LEMD3: variants seen among roughly 807,000 people sequenced by gnomAD.
The protein encoded by LEMD3 is LEM domain containing 3.
LEMD3 carries 33 observed loss-of-function variants against 95.2 expected under a neutral mutation model. The observed-to-expected ratio is 0.35, with a 90% CI of 0.26 to 0.46. LEMD3 has a LOEUF of 0.46. LEMD3 is among the 20% of genes least tolerant of loss of function. The probability of loss-of-function intolerance (pLI) is 1.00; values close to 1 mark genes in which losing one functional copy is unlikely to be tolerated. For synonymous variants in LEMD3, 525 were observed against 474.6 expected (o/e 1.11, Z -1.38); for missense variants, 1,210 against 1,192.8 (o/e 1.01, Z -0.21).
intron 6 of LEMD3, among the ~76,000 whole-genome samples, chr12:65,239,410 T>C (rs893544814): frequency 3.9e-5 from 6 of 151,984 alleles, no homozygotes; most frequent in South Asian, 2.1e-4. Context: ...TAGACAGGCA[T>C]AGTGGCACGT....
At position 65,246,315 on chromosome 12, in the gene LEMD3, G is replaced by GTT; in HGVS notation, c.2726_2727insTT (p.Ser910Ter). On this transcript the variant is annotated frameshift_variant, in exon 13 of 13. Transcript: ENST00000308330. LOFTEE classifies it high-confidence loss of function. ...CGGACTGGCCTAACCAATTCTCAAG[G>GTT]AAGTTCCTGAAAAGATTTTCTTCCA... is the stretch of plus-strand genomic sequence containing the variant. 6.2e-7 allele frequency: 1 copy of GTT among 1,612,324 alleles called. No homozygotes were observed. Among genetic ancestry groups the GTT allele is most frequent in the Non-Finnish European group, 8.5e-7 (1 of 1,178,796 alleles).
At chr12:65,215,161 A>G (rs1870063957) in intron 2 of LEMD3, among the ~76,000 whole-genome samples, 1 of 152,200 alleles carries the variant, frequency 6.6e-6, no homozygotes, top group South Asian at 2.1e-4. Context: ...GCTACTGGTT[A>G]TGTAAGAAAT....
At chr12:65,238,349 CTTTT>C in intron 4 of LEMD3, among the ~76,000 whole-genome samples, 149 bp from the exon 5 acceptor site, 1 of 151,168 alleles carries the variant, frequency 6.6e-6, no homozygotes, top group East Asian at 1.9e-4. Context: ...CTTTTTTTTT[CTTTT>C]TTCTCATTCT....
At chr12:65,216,391 G>A (rs561339515) in intron 3 of LEMD3, among the ~76,000 whole-genome samples, 13 of 152,030 alleles carry the variant, frequency 8.6e-5, no homozygotes, top group Non-Finnish European at 4.4e-5. Context: ...ATATACAAAT[G>A]CAGATTTTCT....
chr12:65,203,883 G>C (rs980630021), intron 1 of LEMD3, among the ~76,000 whole-genome samples: 1 of 152,048 alleles, frequency 6.6e-6, no homozygotes, highest in African/African-American at 2.4e-5. Context: ...ATTATGTAAT[G>C]CTCCTCTTTG....
At chr12:65,222,065 C>T (rs1231226293) in intron 4 of LEMD3, among the ~76,000 whole-genome samples, 1 of 151,974 alleles carries the variant, frequency 6.6e-6, no homozygotes, top group Admixed American at 6.6e-5. Context: ...CAGTTTGTCA[C>T]CATTGAGTAT....
rs1380930067 is a variant in LEMD3 at position 65,169,620 on chromosome 12, G to A, written c.24G>A (p.Ala8=). 18 of 1,588,586 alleles carry A rather than the reference G, an allele frequency of 1.1e-5. No individual in the cohort carries two copies. Among genetic ancestry groups the A allele is most frequent in the African/African-American group, 1.3e-5 (1 of 74,766 alleles). ...AAATGGCGGCGGCAGCAGCTTCGGC[G>A]CCTCAGCAGCTCTCGGATGAGGAGC... The part of the protein sequence containing the change: MAAAAAS[A]PQQLSDEELF... The change falls in exon 1 of 13, where the codon GCG becomes GCA. Residue 8 remains alanine (A), a synonymous_variant. Coordinates refer to ENST00000308330, the MANE Select transcript of LEMD3 (RefSeq NM_014319.5).
Position 65,241,057 on chromosome 12 carries a change from G to A in LEMD3, c.2275G>A (p.Val759Ile), listed in dbSNP as rs1206695327. 1 of 1,613,830 alleles carries A rather than the reference G, an allele frequency of 6.2e-7. No individual in the cohort carries two copies. The highest frequency in any genetic ancestry group is 8.5e-7 in the Non-Finnish European group (1 of 1,179,884). The change falls in exon 9 of 13, where the codon GTT becomes ATT. Residue 759 changes from valine to isoleucine, a missense_variant. By Grantham distance (29) the Val-to-Ile change is conservative. Coordinates refer to ENST00000308330, the MANE Select transcript of LEMD3 (RefSeq NM_014319.5). ...QPSASCDKIL[V>I]IPSKVWQGQA... Reference sequence around the variant, plus strand: ...TTCTGCATCCTGTGACAAAATATTAGTTATACCTTCTAAAGTATGGCAAGG... The same window carrying A: ...TTCTGCATCCTGTGACAAAATATTAATTATACCTTCTAAAGTATGGCAAGG...
rs533361217 is a variant in LEMD3 at position 65,182,941 on chromosome 12, A to G, written c.1522+11823A>G. ...GTTATTATCAAAGTGGGAAGATGAC[A>G]TGTGTCCCCATGAATAGGCAATAGG... On this transcript the variant is annotated intron_variant, in intron 1 of 12. Transcript: ENST00000308330. Among the ~76,000 whole-genome samples the G allele has an allele frequency of 7.2e-5, 11 of 152,284 alleles. No individual in the cohort carries two copies. In the South Asian group the frequency reaches 1.9e-3, roughly 26 times the overall value.
intron 1 of LEMD3, among the ~76,000 whole-genome samples, chr12:65,190,008 A>G (rs1245420753): frequency 1.3e-5 from 2 of 152,114 alleles, no homozygotes; most frequent in Non-Finnish European, 2.9e-5. Flanking sequence ...GCCTCGTACC[A>G]CACTAGTTTT....
intron 1 of LEMD3, among the ~76,000 whole-genome samples, chr12:65,197,627 G>T (rs1231560554): frequency 1.3e-5 from 2 of 152,026 alleles, no homozygotes; most frequent in Non-Finnish European, 2.9e-5. Flanking sequence ...TTTCATCTGT[G>T]TCTGTTTTCT....
chr12:65,172,766 G>A (rs1868596046), intron 1 of LEMD3, among the ~76,000 whole-genome samples: 1 of 145,644 alleles, frequency 6.9e-6, no homozygotes, highest in East Asian at 2.0e-4. Flanking sequence ...TAGCTCTGTC[G>A]CTAGGCTGGA....
chr12:65,195,781 A>T (rs1356235480), intron 1 of LEMD3, among the ~76,000 whole-genome samples: 1 of 152,168 alleles, frequency 6.6e-6, no homozygotes, highest in Non-Finnish European at 1.5e-5. Flanking sequence ...AAGAATTCCT[A>T]GTGATTCAGT....
chr12:65,242,093 C>T (rs927586064), intron 9 of LEMD3, among the ~76,000 whole-genome samples: 3 of 152,190 alleles, frequency 2.0e-5, no homozygotes, highest in African/African-American at 7.2e-5. Flanking sequence ...ATGATGCATG[C>T]ATTTCAGTTT....
chr12:65,211,105 A>G (rs1346724154), intron 2 of LEMD3, 142 bp downstream of exon 2: 8 of 661,460 alleles, frequency 1.2e-5, no homozygotes, highest in African/African-American at 1.8e-5. Flanking sequence ...AAAAAATAGT[A>G]ATTTTAAGGT....
chr12:65,197,961 T>C (rs1369798026), intron 1 of LEMD3, among the ~76,000 whole-genome samples: 3 of 152,148 alleles, frequency 2.0e-5, no homozygotes, highest in African/African-American at 7.2e-5. Flanking sequence ...AGATGTTAAA[T>C]ACATATATTG....
chr12:65,238,873 A>T, intron 6 of LEMD3, 59 bp downstream of exon 6: 1 of 1,542,560 alleles, frequency 6.5e-7, no homozygotes, highest in Non-Finnish European at 9.0e-7. Flanking sequence ...TGTGTATTTC[A>T]CTAAATGCCA....
At chr12:65,218,753 G>T in intron 4 of LEMD3, 134 bp downstream of exon 4, 1 of 487,070 alleles carries the variant, frequency 2.1e-6, no homozygotes, top group Non-Finnish European at 3.7e-6. Flanking sequence ...GGTATAATAT[G>T]AGCAGTTATG....
chr12:65,169,998 A>C lies in LEMD3; in HGVS notation c.402A>C (p.Lys134Asn). ...GASAAPAAGS[K>N]VLLGFSSDES... ...CCGCCGCCCCCGCGGCTGGCAGCAA[A>C]GTGCTGCTGGGCTTCAGCTCGGACG... The change falls in exon 1 of 13, where the codon AAA becomes AAC. Residue 134 changes from lysine to asparagine, a missense_variant. By Grantham distance (94) the Lys-to-Asn change is moderately conservative (BLOSUM62 0). Coordinates refer to ENST00000308330, the MANE Select transcript of LEMD3 (RefSeq NM_014319.5). 6.7e-7 allele frequency: 1 copy of C among 1,483,942 alleles called. No individual in the cohort carries two copies. The highest frequency in any genetic ancestry group is 8.9e-7 in the Non-Finnish European group (1 of 1,129,106). 91.9% of individuals were successfully genotyped at this position (1,483,942 alleles called of 1,614,324 possible).
Sources: allele counts gnomAD v4.1 joint callset (sites outside exome capture counted in the v4.1 genomes callset), GRCh38; gene constraint gnomAD v4.1.1; transcripts MANE v1.5; gene names NCBI Gene and HGNC (gene_info 2026-07-23, HGNC 2026-07-21).